The following PVT1 variants were observed in gnomAD, a reference collection of about 807,000 sequenced individuals.
PVT1 encodes the protein Pvt1 oncogene.
intron 4 of PVT1, among the ~76,000 whole-genome samples, chr8:128,033,032 G>A (rs927756166): frequency 6.6e-6 from 1 of 152,226 alleles, no homozygotes; most frequent in Non-Finnish European, 1.5e-5. Flanking sequence ...AAGGGTGCAG[G>A]TAGGGTGAAG....
intron 2 of PVT1, among the ~76,000 whole-genome samples, chr8:127,872,140 T>A (rs548449724): frequency 6.7e-6 from 1 of 148,522 alleles, no homozygotes; most frequent in South Asian, 2.2e-4. Flanking sequence ...AGAGGCCGGG[T>A]GTGGTGGCTC....
In PVT1 at chr8:127,882,223, A is replaced by G. The variant is rs868026160; in HGVS notation, n.373-8366A>G. ...GGAGCAGGCACTCGAAGGCTTGGGA[A>G]TTCCAAAGCAGCTGATCCATGTCAT... On this transcript the variant is annotated intron_variant and non_coding_transcript_variant, in intron 2 of 10. Transcript: ENST00000651587. Among the ~76,000 whole-genome samples, 6 of 152,124 alleles carry G rather than the reference A, an allele frequency of 3.9e-5. No individual in the cohort carries two copies. In the South Asian group the frequency reaches 1.2e-3, roughly 32 times the overall value.
In PVT1 at chr8:128,043,830, C is replaced by CTGTTTT. The variant is rs1244929006; in HGVS notation, n.913-26329_913-26328insGTTTTT. ...TACACAAGGAGGCCAAACATCTTGT[C>CTGTTTT]TTTTTTTTTTTTTTTTTTTTAAAGA... is the stretch of plus-strand genomic sequence containing the variant. On this transcript the variant is annotated intron_variant and non_coding_transcript_variant, in intron 4 of 10. Transcript: ENST00000651587. 3.0e-3 allele frequency among the ~76,000 whole-genome samples: 345 copies of CTGTTTT among 116,272 alleles called. 5 individuals carry two copies. The highest frequency in any genetic ancestry group is 0.015 in the East Asian group (59 of 3,964). 76.3% of individuals were successfully genotyped at this position (116,272 alleles called of 152,430 possible).
Position 128,061,189 on chromosome 8 carries a change from G to A in PVT1, n.913-8971G>A, listed in dbSNP as rs1320885880. ...CCTCCAAAATGCTGGGATTACAGAC[G>A]TGAGCCACCATGCCTGGCCATGGAT... On this transcript the variant is annotated intron_variant and non_coding_transcript_variant, in intron 4 of 10. Coordinates refer to ENST00000651587, the Ensembl canonical transcript of PVT1. Among the ~76,000 whole-genome samples the A allele has an allele frequency of 3.3e-5, 5 of 152,278 alleles. 1 individual carries two copies. The South Asian group carries it at 6.2e-4, about 19-fold the overall frequency.
At chr8:128,074,366 A>G (rs1814053139) in intron 5 of PVT1, among the ~76,000 whole-genome samples, 1 of 151,906 alleles carries the variant, frequency 6.6e-6, no homozygotes, top group Non-Finnish European at 1.5e-5. Flanking sequence ...TAAAAATAAA[A>G]AAAAAAATTA....
intron 4 of PVT1, among the ~76,000 whole-genome samples, chr8:128,002,984 C>CCTTT (rs1817200244): frequency 8.5e-6 from 1 of 117,568 alleles, no homozygotes; most frequent in South Asian, 3.3e-4. Context: ...TTCCTTCCTT[C>CCTTT]CTTCCTTCCT....
chr8:127,862,864 T>G (rs1354246830), intron 2 of PVT1, among the ~76,000 whole-genome samples: 1 of 152,210 alleles, frequency 6.6e-6, no homozygotes, highest in East Asian at 1.9e-4. Context: ...CTCATTGATT[T>G]GTAAGATCTG....
intron 2 of PVT1, among the ~76,000 whole-genome samples, chr8:127,806,793 A>G (rs1814534136): frequency 6.6e-6 from 1 of 152,164 alleles, no homozygotes; most frequent in African/African-American, 2.4e-5. Context: ...GGATTCATAC[A>G]GTGTGTAGTC....
chr8:127,921,088 C>T (rs571382783), intron 3 of PVT1, among the ~76,000 whole-genome samples: 18 of 152,266 alleles, frequency 1.2e-4, no homozygotes, highest in African/African-American at 4.3e-4. Context: ...GTTTTTCTCT[C>T]CAAGGCAGAT....
chr8:128,095,967 A>G (rs1431738105), intron 5 of PVT1, among the ~76,000 whole-genome samples: 2 of 152,222 alleles, frequency 1.3e-5, no homozygotes, highest in Non-Finnish European at 2.9e-5. Context: ...ATTTCTTTGT[A>G]AAAAGAAACT....
At chr8:127,847,953 G>T (rs1815054547) in intron 2 of PVT1, among the ~76,000 whole-genome samples, 1 of 152,098 alleles carries the variant, frequency 6.6e-6, no homozygotes, top group Non-Finnish European at 1.5e-5. Context: ...GCCCAGGCTG[G>T]AGTGCAGTGG....
chr8:128,090,739 G>A (rs909684201), intron 5 of PVT1, among the ~76,000 whole-genome samples: 3 of 152,070 alleles, frequency 2.0e-5, no homozygotes, highest in African/African-American at 4.8e-5. Context: ...CTAGGACCTG[G>A]GGTCCCCACT....
chr8:128,041,496 G>GGC (rs145719171), intron 4 of PVT1, among the ~76,000 whole-genome samples: 3 of 147,884 alleles, frequency 2.0e-5, no homozygotes, highest in African/African-American at 7.5e-5. Context: ...GTATGTGTTT[G>GGC]GTATGTGTGT....
intron 6 of PVT1, among the ~76,000 whole-genome samples, chr8:128,097,351 G>A (rs1486103639): frequency 6.6e-6 from 1 of 152,024 alleles, no homozygotes; most frequent in Non-Finnish European, 1.5e-5. Context: ...GACAGAGTGA[G>A]ACTACTTCTC....
intron 4 of PVT1, among the ~76,000 whole-genome samples, chr8:127,997,796 T>A (rs975623248): frequency 1.3e-5 from 2 of 152,188 alleles, no homozygotes; most frequent in African/African-American, 4.8e-5. Context: ...ATTACTTTAG[T>A]TTTTACCTGG....
intron 5 of PVT1, among the ~76,000 whole-genome samples, chr8:128,092,027 C>T (rs926780630): frequency 6.6e-6 from 1 of 152,192 alleles, no homozygotes. Flanking sequence ...GAGCTCTCCC[C>T]TTCTCCCCTG....
At chr8:127,963,717 A>G (rs1026663888) in intron 3 of PVT1, among the ~76,000 whole-genome samples, 1 of 152,088 alleles carries the variant, frequency 6.6e-6, no homozygotes, top group African/African-American at 2.4e-5. Flanking sequence ...GCACTTGGGA[A>G]ACATCAGGGA....
At chr8:128,055,279 C>T (rs1813750041) in intron 4 of PVT1, among the ~76,000 whole-genome samples, 1 of 152,096 alleles carries the variant, frequency 6.6e-6, no homozygotes, top group Non-Finnish European at 1.5e-5. Context: ...ATTTTAAAAA[C>T]CTTGGACATC....
At chr8:127,935,562 T>G (rs924430140) in intron 3 of PVT1, among the ~76,000 whole-genome samples, 1 of 152,088 alleles carries the variant, frequency 6.6e-6, no homozygotes, top group Non-Finnish European at 1.5e-5. Context: ...GTCACACAAC[T>G]GATAGATGAC....
Sources: gnomAD v4.1 joint callset for allele counts (sites outside exome capture counted in the v4.1 genomes callset) on GRCh38, gnomAD v4.1.1 for gene constraint, MANE v1.5 for transcripts, NCBI Gene and HGNC (gene_info 2026-07-23, HGNC 2026-07-21) for gene names.